Variants in CHN2 observed in about 807,000 individuals in gnomAD.
The protein encoded by CHN2 is chimerin 2, also known as beta-chimaerin.
In CHN2, 35 loss-of-function variants were observed where a neutral mutation model predicts 56.3. That is an observed-to-expected ratio of 0.62 (90% confidence interval 0.47 to 0.82). The LOEUF is 0.82. Among genes scored for constraint, CHN2 ranks in the 40% least tolerant of loss-of-function variants. CHN2 has a pLI of 0.00. For missense variants in CHN2, 491 were observed against 580.5 expected, an observed-to-expected ratio of 0.85 and a Z score of 1.58; for synonymous variants, 210 against 212.8, an observed-to-expected ratio of 0.99 and a Z score of 0.12.
intron 1 of CHN2, among the ~76,000 whole-genome samples, chr7:29,276,380 ATAT>A (rs1216159678): frequency 6.6e-6 from 1 of 152,136 alleles, no homozygotes; most frequent in Non-Finnish European, 1.5e-5. Context: ...TGGGGCCTGG[ATAT>A]TATTTCCCTG....
intron 6 of CHN2, among the ~76,000 whole-genome samples, chr7:29,448,960 C>A (rs1344231737): frequency 6.6e-6 from 1 of 152,208 alleles, no homozygotes; most frequent in Non-Finnish European, 1.5e-5. Flanking sequence ...GAATTTAATT[C>A]ACTGTAAAAA....
chr7:29,396,864 C>G (rs1337876341), intron 4 of CHN2: 10 of 152,832 alleles, frequency 6.5e-5, no homozygotes, highest in African/African-American at 2.4e-4. Context: ...GTCCAGTGAC[C>G]TCACTATCAA....
chr7:29,234,382 C>A (rs1049745064), intron 1 of CHN2, among the ~76,000 whole-genome samples: 9 of 152,202 alleles, frequency 5.9e-5, no homozygotes, highest in Non-Finnish European at 1.2e-4. Context: ...TCTAAACCTT[C>A]CTCGATCAGA....
rs368783551 is a variant in CHN2 at position 29,509,979 on chromosome 7, G to A, written c.1235+573G>A. 1.1e-4 allele frequency among the ~76,000 whole-genome samples: 16 copies of A among 152,306 alleles called. 2 individuals carry two copies. Among genetic ancestry groups the A allele is most frequent in the African/African-American group, 3.8e-4 (16 of 41,576 alleles). On this transcript the variant is annotated intron_variant, in intron 12 of 12. Coordinates refer to ENST00000222792, the MANE Select transcript of CHN2 (RefSeq NM_004067.4). ...AGGATCCCAGGCAGGCTGATGTACA[G>A]CCTTTAACTACTCTGCCTCCGTGTC...
intron 8 of CHN2, 86 bp downstream of exon 8, chr7:29,496,122 G>C: frequency 9.5e-7 from 1 of 1,055,434 alleles, no homozygotes. Context: ...TGGGAAATGT[G>C]CTCAGATTAG....
chr7:29,387,731 T>G (rs1233778986), intron 3 of CHN2, among the ~76,000 whole-genome samples: 1 of 152,234 alleles, frequency 6.6e-6, no homozygotes, highest in East Asian at 1.9e-4. Context: ...ATCTGTAATT[T>G]CCCTACCTTT....
chr7:29,270,414 G>A (rs1187074646), intron 1 of CHN2, among the ~76,000 whole-genome samples: 1 of 127,420 alleles, frequency 7.8e-6, no homozygotes, highest in African/African-American at 3.1e-5. Flanking sequence ...AGTACTTTGG[G>A]AAGCTGAGAT....
chr7:29,446,980 G>T (rs1006592715), intron 6 of CHN2, among the ~76,000 whole-genome samples: 4 of 152,130 alleles, frequency 2.6e-5, no homozygotes, highest in African/African-American at 9.7e-5. Context: ...AGACACAAAA[G>T]GGTCAAACTG....
intron 1 of CHN2, among the ~76,000 whole-genome samples, chr7:29,298,609 G>C (rs114942477): frequency 0.014 from 2,184 of 152,204 alleles, 47 homozygotes; most frequent in African/African-American, 0.05. Flanking sequence ...CCGAGTAATG[G>C]GCATCCTATT....
chr7:29,229,518 G>T, intron 1 of CHN2, among the ~76,000 whole-genome samples: 1 of 152,162 alleles, frequency 6.6e-6, no homozygotes, highest in Non-Finnish European at 1.5e-5. Flanking sequence ...GTGACATACC[G>T]TTCAGATTCA....
At chr7:29,479,753 T>C in intron 6 of CHN2, 1 of 1,149,856 alleles carries the variant, frequency 8.7e-7, no homozygotes, top group Non-Finnish European at 1.1e-6. Flanking sequence ...AGGAGAGACC[T>C]CTCCTTTGCA....
At chr7:29,164,548 G>A (rs987697477) in intron 2 of CHN2, among the ~76,000 whole-genome samples, 2 of 151,868 alleles carry the variant, frequency 1.3e-5, no homozygotes, top group African/African-American at 4.8e-5. Flanking sequence ...ACTTCGGGGG[G>A]CTGAGGCGGG....
intron 1 of CHN2, among the ~76,000 whole-genome samples, chr7:29,197,055 C>G (rs1783793050): frequency 6.6e-6 from 1 of 152,132 alleles, no homozygotes; most frequent in African/African-American, 2.4e-5. Flanking sequence ...AGCACACTTA[C>G]CATTGTGTGG....
At chr7:29,388,968 G>T (rs1465577785) in intron 3 of CHN2, among the ~76,000 whole-genome samples, 1 of 152,154 alleles carries the variant, frequency 6.6e-6, no homozygotes, top group Non-Finnish European at 1.5e-5. Flanking sequence ...TAACACATCT[G>T]TTACATGGGC....
chr7:29,482,797 C>CTTTTTTTTTTT lies in CHN2; in HGVS notation c.654+2473_654+2483dup, dbSNP rs375120538. Among the ~76,000 whole-genome samples the CTTTTTTTTTTT allele has an allele frequency of 7.3e-4, 47 of 64,212 alleles. 9 individuals carry two copies. Among genetic ancestry groups the CTTTTTTTTTTT allele is most frequent in the Admixed American group, 1.2e-3 (5 of 4,322 alleles). The allele number at this position is 64,212 out of a possible 152,430, so 42.1% of individuals were successfully genotyped here. A position where few individuals can be genotyped will look rare whatever the true frequency, so the allele number is the denominator to read the frequency against. On this transcript the variant is annotated intron_variant, in intron 7 of 12. Transcript: ENST00000222792. ...TGCTAGGTGCTGTCTGCACTTTTTT[C>CTTTTTTTTTTT]TTTTTTTTTTTTTTTTTTTTTTTTT...
At chr7:29,413,135 C>G (rs1803406549) in intron 6 of CHN2, among the ~76,000 whole-genome samples, 1 of 152,218 alleles carries the variant, frequency 6.6e-6, no homozygotes, top group Non-Finnish European at 1.5e-5. Context: ...TACACAATCA[C>G]TTTGAAGTTC....
chr7:29,423,569 GCCAGCAA>G, intron 6 of CHN2, among the ~76,000 whole-genome samples: 1 of 152,206 alleles, frequency 6.6e-6, no homozygotes, highest in South Asian at 2.1e-4. Context: ...AGAAAACCTG[GCCAGCAA>G]CGGTTCTCCA....
rs76623991 is a variant in CHN2 at position 29,421,317 on chromosome 7, A to G, written c.576+20489A>G. Among the ~76,000 whole-genome samples the G allele has an allele frequency of 3.3e-3, 504 of 152,234 alleles. 6 individuals are homozygous for G. Among genetic ancestry groups the G allele is most frequent in the African/African-American group, 0.012 (491 of 41,548 alleles). On this transcript the variant is annotated intron_variant, in intron 6 of 12. Transcript: ENST00000222792. ...AGCCTACCCAAGGGCAGACTCCCCA[A>G]ATTAAAAATTACCCCCCATTTCCTG...
intron 1 of CHN2, among the ~76,000 whole-genome samples, chr7:29,340,664 C>T (rs752545988): frequency 1.2e-4 from 19 of 152,204 alleles, no homozygotes; most frequent in Non-Finnish European, 2.4e-4. Context: ...TTGCTCCCAC[C>T]TCCCCAGGGA....
Sources: allele counts gnomAD v4.1 joint callset (sites outside exome capture counted in the v4.1 genomes callset), GRCh38; gene constraint gnomAD v4.1.1; transcripts MANE v1.5; gene names NCBI Gene and HGNC (gene_info 2026-07-23, HGNC 2026-07-21).